STON1: variants seen among roughly 807,000 people sequenced by gnomAD.
STON1 encodes stonin-1.
Under a neutral mutation model 60.9 loss-of-function variants are expected in STON1, and 79 were observed. The ratio of observed to expected loss-of-function variants is 1.30; its 90% CI spans 1.08 to 1.56. The LOEUF (loss-of-function observed/expected upper bound fraction) is 1.56, where lower values mean the gene tolerates loss of function less well. Among genes scored for constraint, STON1 ranks in the 40% most tolerant of loss-of-function variants. The pLI, the probability that STON1 is intolerant of heterozygous loss-of-function variation, is 0.00. For synonymous variants in STON1, 363 were observed against 306.9 expected, an observed-to-expected ratio of 1.18 and a Z score of -1.91; for missense variants, 1,166 against 858.9, an observed-to-expected ratio of 1.36 and a Z score of -4.47.
At chr2:48,585,304 G>C (rs1268450164) in intron 2 of STON1, among the ~76,000 whole-genome samples, 2 of 151,914 alleles carry the variant, frequency 1.3e-5, no homozygotes, top group Non-Finnish European at 2.9e-5. Flanking sequence ...CTGGAGTGCA[G>C]TGGTGCAATC....
intron 3 of STON1, 106 bp downstream of exon 3, chr2:48,591,961 GAGATTTGCCCT>G: frequency 6.9e-7 from 1 of 1,445,500 alleles, no homozygotes; most frequent in Non-Finnish European, 9.2e-7. Context: ...TATGTGTGGT[GAGATTTGCCCT>G]AGAGAGGATC....
At chr2:48,550,870 C>G (rs1672073758) in intron 1 of STON1, among the ~76,000 whole-genome samples, 1 of 151,898 alleles carries the variant, frequency 6.6e-6, no homozygotes, top group South Asian at 2.1e-4. Flanking sequence ...ACTGGAAAAC[C>G]TAAACACATA....
chr2:48,541,521 T>TAA (rs1276920612), intron 1 of STON1, among the ~76,000 whole-genome samples: 1,306 of 92,358 alleles, frequency 0.014, 10 homozygotes, highest in African/African-American at 0.031. Flanking sequence ...CCATCTCTAC[T>TAA]AAAAAAAAAA....
chr2:48,574,081 T>C (rs555496464), intron 1 of STON1, among the ~76,000 whole-genome samples: 1 of 152,188 alleles, frequency 6.6e-6, no homozygotes, highest in East Asian at 1.9e-4. Context: ...ATGAAAAGAA[T>C]GTTGTGGAAT....
At position 48,581,572 on chromosome 2, in the gene STON1, G is replaced by A. The variant is rs1276607359; in HGVS notation, c.939G>A (p.Gln313=). Residue 313 remains glutamine, a synonymous_variant, in exon 2 of 4, where the codon CAG becomes CAA. Coordinates refer to ENST00000404752, the MANE Select transcript of STON1 (RefSeq NM_006873.4). ...PGGILQMYYE[Q]GLEKPFKEIQ... ...GAATTTTGCAGATGTATTATGAACAGGGATTAGAAAAACCATTTAAAGAGA... is the reference window on the plus strand; with the variant it reads ...GAATTTTGCAGATGTATTATGAACAAGGATTAGAAAAACCATTTAAAGAGA... 5.0e-6 allele frequency: 8 copies of A among 1,614,172 alleles called. No individual in the cohort carries two copies. The highest frequency in any genetic ancestry group is 6.8e-6 in the Non-Finnish European group (8 of 1,180,032).
At chr2:48,552,817 T>G (rs1672158588) in intron 1 of STON1, among the ~76,000 whole-genome samples, 1 of 152,104 alleles carries the variant, frequency 6.6e-6, no homozygotes, top group Non-Finnish European at 1.5e-5. Flanking sequence ...CACTTACAAA[T>G]GGTTAAAAGG....
chr2:48,551,216 C>T (rs867229951), intron 1 of STON1, among the ~76,000 whole-genome samples: 10 of 152,194 alleles, frequency 6.6e-5, no homozygotes, highest in African/African-American at 1.9e-4. Context: ...AGTGGAACAT[C>T]GCAACAGGGA....
Position 48,530,206 on chromosome 2 carries a change from C to A in STON1, c.-58C>A. The A allele has an allele frequency of 2.5e-6, 1 of 408,118 alleles. No homozygotes were observed. Among genetic ancestry groups the A allele is most frequent in the Non-Finnish European group, 4.8e-6 (1 of 207,490 alleles). 25.3% of individuals were successfully genotyped at this position (408,118 alleles called of 1,614,324 possible). ...GCTGCGGCCAGAATCGGAGCCCCAA[C>A]CGCGCTGCCGGTGAGTGACCAGCCC... On this transcript the variant is annotated 5_prime_UTR_variant, in exon 1 of 4. Coordinates refer to ENST00000404752, the MANE Select transcript of STON1 (RefSeq NM_006873.4).
In STON1 at chr2:48,581,184, G is replaced by T. The variant is rs1316499160; in HGVS notation, c.551G>T (p.Ser184Ile). The T allele has an allele frequency of 2.6e-6, 4 of 1,534,824 alleles. No individual in the cohort carries two copies. The highest frequency in any genetic ancestry group is 2.6e-6 in the Non-Finnish European group (3 of 1,148,018). The change falls in exon 2 of 4, where the codon AGT becomes ATT. Residue 184 changes from serine to isoleucine, a missense_variant. By Grantham distance (142) the Ser-to-Ile change is moderately radical. Transcript: ENST00000404752. ...TTTCGAGAGGACTGTGCTTTTTCAA[G>T]TCCATTTTGGAAAGATGAAGGCAGT... is the stretch of plus-strand genomic sequence containing the variant. Reference protein sequence around the residue: ...QYFREDCAFSSPFWKDEGSDS... With the variant: ...QYFREDCAFSIPFWKDEGSDS...
At chr2:48,548,589 C>A (rs1282634629) in intron 1 of STON1, among the ~76,000 whole-genome samples, 2 of 151,742 alleles carry the variant, frequency 1.3e-5, no homozygotes, top group Non-Finnish European at 2.9e-5. Context: ...GCCTCCACCT[C>A]CCGAGTTCAA....
At chr2:48,587,390 T>G (rs1250693943) in intron 2 of STON1, among the ~76,000 whole-genome samples, 1 of 152,122 alleles carries the variant, frequency 6.6e-6, no homozygotes, top group African/African-American at 2.4e-5. Flanking sequence ...CCTCCTGTGT[T>G]CAAGAGATTT....
intron 1 of STON1, among the ~76,000 whole-genome samples, chr2:48,541,365 T>A (rs1487631839): frequency 2.0e-5 from 3 of 148,596 alleles, no homozygotes; most frequent in Admixed American, 6.8e-5. Context: ...AAAAAAAAAA[T>A]TATTTTCTTA....
rs1558606099 is a variant in STON1 at position 48,564,599 on chromosome 2, C to CCTCCTCCTT, written c.-47-15983_-47-15982insCCTTCTCCT. Among the ~76,000 whole-genome samples, 11 of 43,880 alleles carry CCTCCTCCTT rather than the reference C, an allele frequency of 2.5e-4. 1 individual carries two copies. The highest frequency in any genetic ancestry group is 6.3e-4 in the African/African-American group (8 of 12,736). 28.8% of individuals were successfully genotyped at this position (43,880 alleles called of 152,430 possible). A position where few individuals can be genotyped will look rare whatever the true frequency, so the allele number is the denominator to read the frequency against. On this transcript the variant is annotated intron_variant, in intron 1 of 3. Transcript: ENST00000404752. ...TCCTTCTCCTCCTCCTCCTCCTCCT[C>CCTCCTCCTT]CTCCTTCTCCTTCTCCTTCTCCTTC...
chr2:48,588,255 T>C lies in STON1; in HGVS notation c.1931-3398T>C, dbSNP rs569490214. On this transcript the variant is annotated intron_variant, in intron 2 of 3. Coordinates refer to ENST00000404752, the MANE Select transcript of STON1 (RefSeq NM_006873.4). The stretch of plus-strand genomic sequence containing the variant: ...CCCAGAATGCATCTCTATTTTTCTA[T>C]ATGACTTTTAGATCAGTTGTGTATT... 5.3e-4 allele frequency among the ~76,000 whole-genome samples: 81 copies of C among 152,374 alleles called. No individual in the cohort carries two copies. The Middle Eastern group carries it at 0.01, about 19-fold the overall frequency.
intron 1 of STON1, among the ~76,000 whole-genome samples, chr2:48,566,180 G>A (rs532302734): frequency 6.3e-4 from 96 of 152,104 alleles, no homozygotes; most frequent in African/African-American, 2.2e-3. Flanking sequence ...GGGCATATTA[G>A]TTTTTATTTT....
Position 48,582,068 on chromosome 2 carries a change from G to A in STON1, c.1435G>A (p.Gly479Arg). Residue 479 changes from glycine to arginine, a missense_variant, in exon 2 of 4, where the codon GGG (glycine) becomes AGG (arginine). Coordinates refer to ENST00000404752, the MANE Select transcript of STON1 (RefSeq NM_006873.4). ...SYYEKDSEKKGIDILDYHFHK... is the reference protein window; with the variant it reads ...SYYEKDSEKKRIDILDYHFHK... Reference sequence around the variant, plus strand: ...TTATGAGAAGGACTCAGAAAAAAAGGGGATTGATATTCTTGACTACCATTT... The same window carrying A: ...TTATGAGAAGGACTCAGAAAAAAAGAGGATTGATATTCTTGACTACCATTT... 6.2e-7 allele frequency: 1 copy of A among 1,614,142 alleles called. No individual in the cohort carries two copies. The highest frequency in any genetic ancestry group is 2.2e-5 in the East Asian group (1 of 44,888).
At position 48,597,078 on chromosome 2, in the gene STON1, C is replaced by A. The variant is rs1001204821; in HGVS notation, c.*1776C>A. On this transcript the variant is annotated 3_prime_UTR_variant, in exon 4 of 4. Coordinates refer to ENST00000404752, the MANE Select transcript of STON1 (RefSeq NM_006873.4). ...ATGTTGGCCGGGCTAGTCTCGAACT[C>A]CTGACCTCAGGTGATCCACCAGCCT... 2 of 152,222 alleles carry A rather than the reference C, an allele frequency of 1.3e-5. No homozygotes were observed. The highest frequency in any genetic ancestry group is 2.9e-5 in the Non-Finnish European group (2 of 68,066). The allele number at this position is 152,222 out of a possible 1,614,324, so 9.4% of individuals were successfully genotyped here.
chr2:48,566,034 T>C (rs1672926350), intron 1 of STON1, among the ~76,000 whole-genome samples: 1 of 152,240 alleles, frequency 6.6e-6, no homozygotes, highest in East Asian at 1.9e-4. Flanking sequence ...ATTCTGTTCA[T>C]ATTACTGTCA....
At chr2:48,537,043 A>G (rs954593120) in intron 1 of STON1, among the ~76,000 whole-genome samples, 7 of 152,312 alleles carry the variant, frequency 4.6e-5, no homozygotes, top group African/African-American at 1.2e-4. Flanking sequence ...TGAATTTTCT[A>G]TATAGACAAT....
Sources: allele counts gnomAD v4.1 joint callset (sites outside exome capture counted in the v4.1 genomes callset), GRCh38; gene constraint gnomAD v4.1.1; transcripts MANE v1.5; gene names NCBI Gene and HGNC (gene_info 2026-07-23, HGNC 2026-07-21).